Variants in RAI1 observed in about 807,000 individuals in gnomAD.
RAI1 encodes retinoic acid induced 1.
A neutral mutation model predicts 123.8 loss-of-function variants in RAI1; 9 were observed. That is an observed-to-expected ratio of 0.07 (90% confidence interval 0.04 to 0.13). The LOEUF (loss-of-function observed/expected upper bound fraction) is 0.13. Ranked by LOEUF, RAI1 falls within the 10% of genes least tolerant of loss-of-function variation. RAI1 has a pLI of 1.00. For missense variants in RAI1, 2,256 were observed against 2,545.8 expected (o/e 0.89, Z 2.45); for synonymous variants, 1,231 against 1,127.3 (o/e 1.09, Z -1.84).
chr17:17,770,418 G>A (rs569199935), intron 2 of RAI1, among the ~76,000 whole-genome samples: 10 of 152,190 alleles, frequency 6.6e-5, no homozygotes, highest in South Asian at 4.1e-4. Context: ...GCTGGCGGCT[G>A]AGCTGGGATC....
At chr17:17,712,436 G>A (rs949326058) in intron 1 of RAI1, among the ~76,000 whole-genome samples, 1 of 152,228 alleles carries the variant, frequency 6.6e-6, no homozygotes, top group Non-Finnish European at 1.5e-5. Flanking sequence ...TGGCTGCAGC[G>A]GGAGTGGGTG....
In RAI1 at chr17:17,772,336, C is replaced by T. The variant is rs1291123263; in HGVS notation, c.-16-20597C>T. 2.6e-5 allele frequency among the ~76,000 whole-genome samples: 4 copies of T among 152,194 alleles called. No individual in the cohort carries two copies. In the East Asian group the frequency reaches 7.7e-4, roughly 29 times the overall value. On this transcript the variant is annotated intron_variant, in intron 2 of 5. Coordinates refer to ENST00000353383, the MANE Select transcript of RAI1 (RefSeq NM_030665.4). ...ACTTTGGTCTGGCCCCATTATTGCT[C>T]TCTGGGGGACAGTCCCAGCTTCCTG...
chr17:17,731,017 G>C (rs956948635), intron 2 of RAI1, among the ~76,000 whole-genome samples: 13 of 152,202 alleles, frequency 8.5e-5, no homozygotes, highest in Non-Finnish European at 1.5e-5. Context: ...AAGGAGGCAG[G>C]CTCTGCAGGA....
Position 17,809,884 on chromosome 17 carries a change from T to A in RAI1, c.5710-86T>A. 1 of 1,540,756 alleles carries A rather than the reference T, an allele frequency of 6.5e-7. No individual in the cohort carries two copies. Among genetic ancestry groups the A allele is most frequent in the Non-Finnish European group, 8.8e-7 (1 of 1,141,454 alleles). On this transcript the variant is annotated intron_variant, in intron 5 of 5. Transcript: ENST00000353383. The surrounding 1 kb of genome is among the most constrained non-coding windows in gnomAD (Gnocchi z 4.9). ...TCTGGGGTCGCCTGGGTCTGGGGCTTAGGCGGGGGGCCCACACTGGGGGCG... is the reference window on the plus strand; with the variant it reads ...TCTGGGGTCGCCTGGGTCTGGGGCTAAGGCGGGGGGCCCACACTGGGGGCG...
rs187230835 is a variant in RAI1, at chr17:17,754,683, A to T, written c.-17+30524A>T. Among the ~76,000 whole-genome samples the T allele has an allele frequency of 2.6e-5, 4 of 152,348 alleles. No homozygotes were observed. In the East Asian group the frequency reaches 7.7e-4, roughly 29 times the overall value. ...AAAGCCATAACAAATAATATCCGAC[A>T]GCCTGTACCTACTAGTGTTCAGTTC... On this transcript the variant is annotated intron_variant, in intron 2 of 5. Transcript: ENST00000353383.
chr17:17,726,954 T>G (rs917527311), intron 2 of RAI1, among the ~76,000 whole-genome samples: 2 of 152,220 alleles, frequency 1.3e-5, no homozygotes, highest in African/African-American at 4.8e-5. Context: ...ATGGTTAATG[T>G]CTTCAGGCTT....
intron 1 of RAI1, among the ~76,000 whole-genome samples, chr17:17,706,239 G>C (rs1057257470): frequency 1.3e-5 from 2 of 152,006 alleles, no homozygotes; most frequent in African/African-American, 4.8e-5. Context: ...ACTTGGGGGA[G>C]TGGGTCTGCT....
At chr17:17,798,571 G>A (rs2032353133) in intron 3 of RAI1, 58 bp downstream of exon 3, 3 of 1,589,004 alleles carry the variant, frequency 1.9e-6, no homozygotes, top group Admixed American at 3.4e-5. Flanking sequence ...CAGGCAGGCA[G>A]GCAGTCGGGG....
At chr17:17,774,654 C>T (rs1025311313) in intron 2 of RAI1, among the ~76,000 whole-genome samples, 1 of 152,254 alleles carries the variant, frequency 6.6e-6, no homozygotes, top group African/African-American at 2.4e-5. Context: ...TCTTCCCGGC[C>T]GCACCTCCAC....
chr17:17,741,416 G>A (rs1468403886), intron 2 of RAI1, among the ~76,000 whole-genome samples: 3 of 152,152 alleles, frequency 2.0e-5, no homozygotes, highest in South Asian at 4.1e-4. Flanking sequence ...TTAATAAGAC[G>A]GGGCCCTTGT....
intron 1 of RAI1, among the ~76,000 whole-genome samples, chr17:17,702,193 A>G (rs1255767108): frequency 6.6e-6 from 1 of 152,214 alleles, no homozygotes; most frequent in Admixed American, 6.5e-5. Flanking sequence ...GGACAACCAC[A>G]GAAAAACTGA....
At chr17:17,749,049 T>A (rs1437594222) in intron 2 of RAI1, among the ~76,000 whole-genome samples, 2 of 152,158 alleles carry the variant, frequency 1.3e-5, no homozygotes, top group African/African-American at 4.8e-5. Flanking sequence ...CATCAGCCCC[T>A]GGGGGCCTCC....
intron 2 of RAI1, among the ~76,000 whole-genome samples, chr17:17,737,823 A>G (rs1421552738): frequency 1.3e-5 from 2 of 152,182 alleles, no homozygotes; most frequent in African/African-American, 4.8e-5. Context: ...CCAGAGAAGC[A>G]GATATTGAGG....
chr17:17,693,642 A>G (rs1363815736), intron 1 of RAI1, among the ~76,000 whole-genome samples: 1 of 152,252 alleles, frequency 6.6e-6, no homozygotes, highest in African/African-American at 2.4e-5. Flanking sequence ...CTGGCTGGGC[A>G]GGCAGCTTGG....
At chr17:17,697,101 C>T (rs535779682) in intron 1 of RAI1, among the ~76,000 whole-genome samples, 1 of 152,368 alleles carries the variant, frequency 6.6e-6, no homozygotes, top group South Asian at 2.1e-4. Flanking sequence ...TGTCTCTTCT[C>T]CCCTATTCCA....
intron 2 of RAI1, among the ~76,000 whole-genome samples, chr17:17,754,191 CTTTTTTTTT>C (rs1158475382): frequency 3.2e-4 from 24 of 75,724 alleles, no homozygotes; most frequent in East Asian, 1.6e-3. Flanking sequence ...CTAACCCAAT[CTTTTTTTTT>C]TTTTTTTTTT....
At chr17:17,744,177 C>A (rs1202026784) in intron 2 of RAI1, among the ~76,000 whole-genome samples, 1 of 152,182 alleles carries the variant, frequency 6.6e-6, no homozygotes, top group Non-Finnish European at 1.5e-5. Context: ...GCCAGTATCA[C>A]CCCTCTTCGT....
chr17:17,728,001 T>G (rs1916148998), intron 2 of RAI1, among the ~76,000 whole-genome samples: 1 of 151,744 alleles, frequency 6.6e-6, no homozygotes, highest in African/African-American at 2.4e-5. Flanking sequence ...GCTTAAGGGG[T>G]TTGTGTGCCT....
intron 2 of RAI1, among the ~76,000 whole-genome samples, chr17:17,737,921 A>C (rs1014626870): frequency 2.2e-4 from 33 of 152,256 alleles, no homozygotes; most frequent in African/African-American, 7.2e-4. Context: ...CCAGCCTCAG[A>C]AGTGTAAGGC....
Sources: gnomAD v4.1 joint callset for allele counts (sites outside exome capture counted in the v4.1 genomes callset) on GRCh38, gnomAD v4.1.1 for gene constraint, Gnocchi (gnomAD v3.1) non-coding constraint, MANE v1.5 for transcripts, NCBI Gene and HGNC (gene_info 2026-07-23, HGNC 2026-07-21) for gene names.